Variants in GPR158 observed in about 807,000 individuals in gnomAD.
GPR158 encodes the protein metabotropic glycine receptor.
In GPR158, 30 loss-of-function variants were observed where a neutral mutation model predicts 78.2. The observed-to-expected ratio is 0.38, with a 90% CI of 0.29 to 0.52. The LOEUF is 0.52. Ranked by LOEUF, GPR158 falls within the 20% of genes least tolerant of loss-of-function variation. GPR158 has a pLI of 0.83. For missense variants in GPR158, 1,463 were observed against 1,523.5 expected (o/e 0.96, Z 0.66); for synonymous variants, 581 against 591.1 (o/e 0.98, Z 0.25).
intron 7 of GPR158, among the ~76,000 whole-genome samples, chr10:25,579,490 C>T (rs1394862517): frequency 6.6e-6 from 1 of 152,078 alleles, no homozygotes; most frequent in Non-Finnish European, 1.5e-5. Context: ...GGAGTTCATC[C>T]GTTGACATAT....
Position 25,193,064 on chromosome 10 carries a change from G to A in GPR158, c.902+16742G>A, listed in dbSNP as rs73608248. The stretch of plus-strand genomic sequence containing the variant: ...AACTTAAGATGGGTTTACTGGGATG[G>A]GTTTATCAGAACATAAGTTGAGGAG... On this transcript the variant is annotated intron_variant, in intron 1 of 10. Coordinates refer to ENST00000376351, the MANE Select transcript of GPR158 (RefSeq NM_020752.3). Among the ~76,000 whole-genome samples the A allele has an allele frequency of 6.4e-3, 981 of 152,172 alleles. 9 individuals are homozygous for A. Among genetic ancestry groups the A allele is most frequent in the African/African-American group, 0.023 (939 of 41,498 alleles).
chr10:25,490,007 G>C (rs904237909), intron 5 of GPR158, among the ~76,000 whole-genome samples: 2 of 152,106 alleles, frequency 1.3e-5, no homozygotes, highest in African/African-American at 4.8e-5. Context: ...AAAACTTTTT[G>C]TATGATGAAA....
chr10:25,280,406 C>T (rs998019974), intron 2 of GPR158, among the ~76,000 whole-genome samples: 13 of 152,110 alleles, frequency 8.5e-5, no homozygotes, highest in African/African-American at 2.7e-4. Flanking sequence ...AGGTTTTTTA[C>T]ACTAAGGAAT....
intron 4 of GPR158, among the ~76,000 whole-genome samples, chr10:25,456,232 C>T (rs78430366): frequency 0.017 from 2,513 of 152,264 alleles, 77 homozygotes; most frequent in African/African-American, 0.058. Context: ...ACGCTTATCA[C>T]ACTCTTTTGT....
chr10:25,278,263 T>C (rs1313098526), intron 2 of GPR158, among the ~76,000 whole-genome samples: 3 of 152,050 alleles, frequency 2.0e-5, no homozygotes, highest in Non-Finnish European at 4.4e-5. Flanking sequence ...GATTTAAAAA[T>C]GAATGTGTAG....
intron 2 of GPR158, among the ~76,000 whole-genome samples, chr10:25,309,418 T>C (rs1160379028): frequency 6.6e-6 from 1 of 152,182 alleles, no homozygotes; most frequent in African/African-American, 2.4e-5. Context: ...TCCATTGTTA[T>C]TGAGTTTTAA....
At chr10:25,198,759 A>G (rs373303473) in intron 1 of GPR158, among the ~76,000 whole-genome samples, 3 of 152,218 alleles carry the variant, frequency 2.0e-5, no homozygotes, top group Admixed American at 6.5e-5. Context: ...TGAAGGAAAA[A>G]TGCTGTGACG....
chr10:25,295,755 CTT>C (rs1251770305), intron 2 of GPR158, among the ~76,000 whole-genome samples: 15 of 152,158 alleles, frequency 9.9e-5, no homozygotes, highest in Non-Finnish European at 2.1e-4. Context: ...CCTGAAAAAA[CTT>C]TTCGTGGTCT....
At chr10:25,252,328 T>G (rs968522109) in intron 2 of GPR158, among the ~76,000 whole-genome samples, 2 of 152,230 alleles carry the variant, frequency 1.3e-5, no homozygotes, top group African/African-American at 4.8e-5. Flanking sequence ...AAAGTCATTC[T>G]CCATCCAGCT....
At position 25,592,903 on chromosome 10, in the gene GPR158, C is replaced by CAAA. The variant is rs113359370; in HGVS notation, c.1893-1372_1893-1370dup. On this transcript the variant is annotated intron_variant, in intron 8 of 10. Transcript: ENST00000376351. ...TGAGTGTAATGATCCTATTTCAATG[C>CAAA]AAAAAAAAAAAAAAAAAAAGCCTGA... 2.9e-3 allele frequency among the ~76,000 whole-genome samples: 181 copies of CAAA among 62,432 alleles called. 3 individuals are homozygous for CAAA. The South Asian group carries it at 0.044, about 15-fold the overall frequency. 41.0% of individuals were successfully genotyped at this position (62,432 alleles called of 152,430 possible). A position where few individuals can be genotyped will look rare whatever the true frequency, so the allele number is the denominator to read the frequency against.
intron 1 of GPR158, among the ~76,000 whole-genome samples, chr10:25,200,435 T>C (rs1421627600): frequency 6.6e-6 from 1 of 152,176 alleles, no homozygotes; most frequent in African/African-American, 2.4e-5. Context: ...AGATACATAG[T>C]TTGCAAATAT....
At chr10:25,224,223 C>T (rs531333897) in intron 2 of GPR158, among the ~76,000 whole-genome samples, 3 of 151,920 alleles carry the variant, frequency 2.0e-5, no homozygotes, top group Non-Finnish European at 4.4e-5. Context: ...AAAATTAATT[C>T]ATATTAATTT....
chr10:25,453,537 G>A (rs918215344), intron 4 of GPR158, among the ~76,000 whole-genome samples: 1 of 152,050 alleles, frequency 6.6e-6, no homozygotes, highest in African/African-American at 2.4e-5. Context: ...CTATTTGTAT[G>A]TTTTCTTTTA....
chr10:25,253,514 A>T (rs1282497661), intron 2 of GPR158, among the ~76,000 whole-genome samples: 1 of 152,168 alleles, frequency 6.6e-6, no homozygotes, highest in Non-Finnish European at 1.5e-5. Context: ...TGACTTTGAG[A>T]TTGGAAGGAA....
At chr10:25,446,706 TA>T (rs1588868410) in intron 4 of GPR158, among the ~76,000 whole-genome samples, 1 of 152,332 alleles carries the variant, frequency 6.6e-6, no homozygotes. Context: ...CCTATTTGCT[TA>T]TTGTGTTGGG....
intron 2 of GPR158, among the ~76,000 whole-genome samples, chr10:25,395,084 G>C (rs558194530): frequency 6.6e-6 from 1 of 152,234 alleles, no homozygotes; most frequent in South Asian, 2.1e-4. Flanking sequence ...TAGTTTAGTA[G>C]AAGTTATTCC....
chr10:25,599,861 T>C lies in GPR158; in HGVS notation c.*587T>C, dbSNP rs1837469198. ...TAATTTTTGCAAATAACTTTGGTAT[T>C]ATGTGACACAACACATTTATGCAAT... On this transcript the variant is annotated 3_prime_UTR_variant, in exon 11 of 11. Transcript: ENST00000376351. 3 of 153,042 alleles carry C rather than the reference T, an allele frequency of 2.0e-5. No homozygotes were observed. The highest frequency in any genetic ancestry group is 1.3e-4 in the Admixed American group (2 of 15,338). The allele number at this position is 153,042 out of a possible 1,614,324, so 9.5% of individuals were successfully genotyped here. A position where few individuals can be genotyped will look rare whatever the true frequency, so the allele number is the denominator to read the frequency against.
intron 2 of GPR158, among the ~76,000 whole-genome samples, chr10:25,371,105 G>T (rs189017216): frequency 0.012 from 1,723 of 148,518 alleles, 10 homozygotes; most frequent in Non-Finnish European, 0.016. Flanking sequence ...ACACTGATGG[G>T]TCTTGACTCT....
intron 1 of GPR158, among the ~76,000 whole-genome samples, chr10:25,216,886 A>AATAT (rs1395561133): frequency 6.6e-6 from 1 of 152,166 alleles, no homozygotes; most frequent in East Asian, 1.9e-4. Flanking sequence ...TGGAATAAGG[A>AATAT]ATATATGCAT....
Sources: allele counts gnomAD v4.1 joint callset (sites outside exome capture counted in the v4.1 genomes callset), GRCh38; gene constraint gnomAD v4.1.1; transcripts MANE v1.5; gene names NCBI Gene and HGNC (gene_info 2026-07-23, HGNC 2026-07-21).